Variants in WDHD1 observed in about 807,000 individuals in gnomAD.
WDHD1 encodes the protein WD repeat and HMG-box DNA-binding protein 1.
A neutral mutation model predicts 135.4 loss-of-function variants in WDHD1; 111 were observed. That is an observed-to-expected ratio of 0.82 (90% CI 0.70 to 0.96). The LOEUF (loss-of-function observed/expected upper bound fraction) is 0.96. Among genes scored for constraint, WDHD1 ranks in the 40% least tolerant of loss-of-function variants. WDHD1 has a pLI of 0.00. For synonymous variants in WDHD1, 434 were observed against 439.0 expected (o/e 0.99, Z 0.14); for missense variants, 1,351 against 1,336.3 (o/e 1.01, Z -0.17).
rs368346537 is a variant in WDHD1 at position 55,000,923 on chromosome 14, T to C, written c.763A>G (p.Ile255Val). ...LAAGSINGLI[I>V]VWNVETKDCM... Reference sequence around the variant, plus strand: ...TCTTTGGTTTCCACATTCCAAACTATGATTAGACCATTAATACTACCTGCA... The same window carrying C: ...TCTTTGGTTTCCACATTCCAAACTACGATTAGACCATTAATACTACCTGCA... Residue 255 changes from isoleucine to valine, a missense_variant, in exon 9 of 26, where the codon ATA becomes GTA. Ile to Val is a conservative substitution (Grantham distance 29, BLOSUM62 3). Around this residue, in one of 2 missense-constraint regions of WDHD1, gnomAD observed 1,330 missense variants for 1,296.1 expected, o/e 1.03. Coordinates refer to ENST00000360586, the MANE Select transcript of WDHD1 (RefSeq NM_007086.4). 4 of 1,590,890 alleles carry C rather than the reference T, an allele frequency of 2.5e-6. No homozygotes were observed. Among genetic ancestry groups the C allele is most frequent in the Admixed American group, 3.5e-5 (2 of 56,964 alleles).
chr14:54,976,545 A>G (rs2041527303), intron 16 of WDHD1, among the ~76,000 whole-genome samples: 2 of 152,156 alleles, frequency 1.3e-5, no homozygotes, highest in African/African-American at 4.8e-5. Flanking sequence ...TTTAAACACA[A>G]CAGCAGGCTA....
At chr14:54,960,359 G>A (rs923544850) in intron 21 of WDHD1, among the ~76,000 whole-genome samples, 4 of 151,516 alleles carry the variant, frequency 2.6e-5, no homozygotes, top group Admixed American at 6.6e-5. Context: ...TAGTAGAGAC[G>A]GGGTTTCACT....
intron 10 of WDHD1, among the ~76,000 whole-genome samples, chr14:54,998,308 T>C (rs1053840468): frequency 6.6e-6 from 1 of 152,094 alleles, no homozygotes; most frequent in African/African-American, 2.4e-5. Context: ...TTTTGTATTT[T>C]TAGTAGAGAC....
Position 55,015,699 on chromosome 14 carries a change from ATT to A in WDHD1, c.78-2105_78-2104del, listed in dbSNP as rs35102727. 3.7e-3 allele frequency among the ~76,000 whole-genome samples: 526 copies of A among 143,180 alleles called. 1 individual carries two copies. The highest frequency in any genetic ancestry group is 0.013 in the African/African-American group (497 of 39,210). The allele number at this position is 143,180 out of a possible 152,430, so 93.9% of individuals were successfully genotyped here. A position where few individuals can be genotyped will look rare whatever the true frequency, so the allele number is the denominator to read the frequency against. On this transcript the variant is annotated intron_variant, in intron 2 of 25. Transcript: ENST00000360586. The stretch of plus-strand genomic sequence containing the variant: ...TATTTCACGTTTTTGTTCCAATGGA[ATT>A]TTTTTTTTTTTTTTTGAGACACAGT...
At position 55,008,249 on chromosome 14, in the gene WDHD1, A is replaced by G. The variant is rs143428228; in HGVS notation, c.504+67T>C. On this transcript the variant is annotated intron_variant, in intron 6 of 25. Coordinates refer to ENST00000360586, the MANE Select transcript of WDHD1 (RefSeq NM_007086.4). ...AAAGCAATTATTAATTTGGCCCAGT[A>G]ATACGACATATAACAATTTATTACA... 297 of 1,462,172 alleles carry G rather than the reference A, an allele frequency of 2.0e-4. No homozygotes were observed. In the East Asian group the frequency reaches 6.3e-3, roughly 31 times the overall value. The allele number at this position is 1,462,172 out of a possible 1,614,324, so 90.6% of individuals were successfully genotyped here. A position where few individuals can be genotyped will look rare whatever the true frequency, so the allele number is the denominator to read the frequency against.
Position 55,013,505 on chromosome 14 carries a change from C to A in WDHD1, c.169G>T (p.Ala57Ser). 6.2e-7 allele frequency: 1 copy of A among 1,613,272 alleles called. No individual in the cohort carries two copies. The highest frequency in any genetic ancestry group is 8.5e-7 in the Non-Finnish European group (1 of 1,179,380). ...ACTACCTTCAAAGCACATGAATATGCCTTTTCTCCAACATTAATGAACTTA... is the reference window on the plus strand; with the variant it reads ...ACTACCTTCAAAGCACATGAATATGACTTTTCTCCAACATTAATGAACTTA... ...DPKFINVGEK[A>S]YSCALKSGKL... The change falls in exon 3 of 26, where the codon GCA (alanine) becomes TCA (serine). Residue 57 changes from alanine to serine, a missense_variant. Transcript: ENST00000360586.
At chr14:54,982,249 T>G (rs560105388) in intron 15 of WDHD1, among the ~76,000 whole-genome samples, 1 of 152,174 alleles carries the variant, frequency 6.6e-6, no homozygotes, top group Admixed American at 6.5e-5. Context: ...GACCTTGTGA[T>G]CCACCCGCCT....
chr14:54,981,682 C>T lies in WDHD1; in HGVS notation c.1921G>A (p.Val641Met), dbSNP rs1031317658. 3.7e-6 allele frequency: 6 copies of T among 1,608,144 alleles called. No homozygotes were observed. The African/African-American group carries it at 5.4e-5, about 14-fold the overall frequency. ...GFSAEGTPCY[V>M]DSEGIVRMLN... ...ATTCGAACAATTCCTTCTGAATCCA[C>T]GTAACAAGGGGTACCTAAACACCAA... Residue 641 changes from valine (V) to methionine (M), a missense_variant, in exon 16 of 26, where the codon GTG (valine) becomes ATG (methionine). Coordinates refer to ENST00000360586, the MANE Select transcript of WDHD1 (RefSeq NM_007086.4).
chr14:55,004,882 C>T, intron 7 of WDHD1: 1 of 518,554 alleles, frequency 1.9e-6, no homozygotes, highest in Non-Finnish European at 3.8e-6. Context: ...GACCAGTCTT[C>T]TGTGGCAGGC....
Position 55,000,979 on chromosome 14 carries a change from A to G in WDHD1, c.707T>C (p.Val236Ala). Reference protein sequence around the residue: ...DNFISQTLNIVTWSPCGQYLA... With the variant: ...DNFISQTLNIATWSPCGQYLA... ...ATATTGCCCACAGGGAGACCAGGTTACTATATTGAGGGTCTGTAAAGAAAA... is the reference window on the plus strand; with the variant it reads ...ATATTGCCCACAGGGAGACCAGGTTGCTATATTGAGGGTCTGTAAAGAAAA... Residue 236 changes from valine (V) to alanine (A), a missense_variant, in exon 9 of 26, where the codon GTA becomes GCA. By Grantham distance (64) the Val-to-Ala change is moderately conservative (BLOSUM62 0). Coordinates refer to ENST00000360586, the MANE Select transcript of WDHD1 (RefSeq NM_007086.4). The G allele has an allele frequency of 6.4e-7, 1 of 1,573,022 alleles. No individual in the cohort carries two copies. Among genetic ancestry groups the G allele is most frequent in the East Asian group, 2.3e-5 (1 of 42,930 alleles).
At chr14:54,951,481 G>C (rs957203183) in intron 24 of WDHD1, among the ~76,000 whole-genome samples, 3 of 152,074 alleles carry the variant, frequency 2.0e-5, no homozygotes, top group Non-Finnish European at 4.4e-5. Context: ...ACCAATAACA[G>C]GCTCTGAAAT....
intron 16 of WDHD1, among the ~76,000 whole-genome samples, chr14:54,968,478 A>C (rs962103261): frequency 1.3e-5 from 2 of 152,210 alleles, no homozygotes. Flanking sequence ...CACTAACCCC[A>C]AAGCTAGCAG....
intron 18 of WDHD1, among the ~76,000 whole-genome samples, chr14:54,963,449 T>C (rs1166488534): frequency 6.6e-6 from 1 of 152,142 alleles, no homozygotes; most frequent in Non-Finnish European, 1.5e-5. Flanking sequence ...TTAGATTTGA[T>C]GAAATATTAC....
At chr14:55,011,666 T>C (rs1436651012) in intron 3 of WDHD1, among the ~76,000 whole-genome samples, 2 of 151,828 alleles carry the variant, frequency 1.3e-5, no homozygotes, top group Non-Finnish European at 1.5e-5. Flanking sequence ...TATATATATA[T>C]GTATTTATTT....
chr14:55,003,877 T>G (rs145776597), intron 7 of WDHD1, among the ~76,000 whole-genome samples: 1 of 152,154 alleles, frequency 6.6e-6, no homozygotes, highest in Admixed American at 6.5e-5. Flanking sequence ...AACTGTATAT[T>G]TTTTATGTAC....
rs150179098 is a variant in WDHD1 at position 55,000,891 on chromosome 14, C to T, written c.795G>A (p.Met265Ile). The T allele has an allele frequency of 1.3e-5, 20 of 1,561,408 alleles. No individual in the cohort carries two copies. In the African/African-American group the frequency reaches 2.5e-4, roughly 19 times the overall value. Residue 265 changes from methionine (M) to isoleucine (I), a missense_variant, in exon 9 of 26, where the codon ATG becomes ATA. Met to Ile is a conservative substitution (Grantham distance 10). Coordinates refer to ENST00000360586, the MANE Select transcript of WDHD1 (RefSeq NM_007086.4). ...IVWNVETKDCMERVKHEKGYA... is the reference protein window; with the variant it reads ...IVWNVETKDCIERVKHEKGYA... ...AAAGATACACTAAATCATACCTTTC[C>T]ATGCAGTCTTTGGTTTCCACATTCC...
intron 2 of WDHD1, 21 bp downstream of exon 2, chr14:55,026,690 T>C (rs1201378): frequency 0.56 from 902,903 of 1,612,096 alleles, 258,645 homozygotes; most frequent in East Asian, 0.76. Flanking sequence ...ACCTAAAACG[T>C]TGTTTCTCAA....
chr14:54,963,941 A>G (rs1457281738), intron 18 of WDHD1, among the ~76,000 whole-genome samples: 3 of 151,096 alleles, frequency 2.0e-5, no homozygotes, highest in Non-Finnish European at 3.0e-5. Context: ...GTGAGACCCT[A>G]TAACTACAAA....
chr14:54,963,141 C>A lies in WDHD1; in HGVS notation c.2342G>T (p.Cys781Phe), dbSNP rs149385991. 1 of 1,501,010 alleles carries A rather than the reference C, an allele frequency of 6.7e-7. No homozygotes were observed. Among genetic ancestry groups the A allele is most frequent in the Non-Finnish European group, 9.0e-7 (1 of 1,107,496 alleles). The allele number at this position is 1,501,010 out of a possible 1,614,324, so 93.0% of individuals were successfully genotyped here. A position where few individuals can be genotyped will look rare whatever the true frequency, so the allele number is the denominator to read the frequency against. ...AGTCATTAGATCAGCAAGTTCCACA[C>A]AACGGAATTCTCGCTCCAGTTTACA... The part of the protein sequence containing the change: ...LSCKLEREFR[C>F]VELADLMTQN... Residue 781 changes from cysteine to phenylalanine, a missense_variant, in exon 19 of 26, where the codon TGT becomes TTT. Cys to Phe is a radical substitution (Grantham distance 205). Coordinates refer to ENST00000360586, the MANE Select transcript of WDHD1 (RefSeq NM_007086.4).
Sources: gnomAD v4.1 joint callset for allele counts (sites outside exome capture counted in the v4.1 genomes callset) on GRCh38, gnomAD v4.1.1 for gene constraint, gnomAD v4.1.1 regional missense constraint, MANE v1.5 for transcripts, NCBI Gene and HGNC (gene_info 2026-07-23, HGNC 2026-07-21) for gene names.